CAPN1: variants seen among roughly 807,000 people sequenced by gnomAD.
The protein encoded by CAPN1 is calpain 1.
CAPN1 carries 77 observed loss-of-function variants against 105.2 expected under a neutral mutation model. The observed-to-expected ratio is 0.73, with a 90% CI of 0.61 to 0.88. The LOEUF (loss-of-function observed/expected upper bound fraction) is 0.88, where lower values mean the gene tolerates loss of function less well. Among genes scored for constraint, CAPN1 ranks in the 40% least tolerant of loss-of-function variants. The pLI is 0.00. For missense variants in CAPN1, 833 were observed against 976.6 expected, an observed-to-expected ratio of 0.85 and a Z score of 1.96; for synonymous variants, 355 against 388.8, an observed-to-expected ratio of 0.91 and a Z score of 1.02.
chr11:65,211,197 G>A (rs1337773316), intron 21 of CAPN1, 63 bp from the exon 22 acceptor site: 6 of 1,591,540 alleles, frequency 3.8e-6, no homozygotes, highest in Non-Finnish European at 5.1e-6. Context: ...CCTGGGGTTT[G>A]GGTGGGGAAG....
intron 10 of CAPN1, among the ~76,000 whole-genome samples, chr11:65,198,589 C>T (rs1948824650): frequency 6.6e-6 from 1 of 152,090 alleles, no homozygotes; most frequent in African/African-American, 2.4e-5. Context: ...ATTTAAACAT[C>T]ATCATGATTT....
chr11:65,207,753 A>T (rs993101374), intron 14 of CAPN1, among the ~76,000 whole-genome samples: 5 of 152,070 alleles, frequency 3.3e-5, no homozygotes, highest in African/African-American at 9.6e-5. Flanking sequence ...TCTCTACTAA[A>T]AATACAAAAA....
upstream of CAPN1, chr11:65,181,562 G>A: frequency 2.4e-6 from 1 of 409,820 alleles, no homozygotes; most frequent in Non-Finnish European, 4.8e-6. This position sits in a 1 kb window ranked among gnomAD's most constrained non-coding sequence, Gnocchi z 4.6. Flanking sequence ...GGCGCGCGTG[G>A]GGTGCGGCCG....
intron 4 of CAPN1, 88 bp from the exon 5 acceptor site, chr11:65,185,828 GA>G: frequency 7.3e-7 from 1 of 1,373,560 alleles, no homozygotes; most frequent in East Asian, 2.5e-5. Flanking sequence ...CTGGGATGTA[GA>G]ATCCTGCATC....
In CAPN1 at chr11:65,206,621, C is replaced by T. The variant is rs1948963988; in HGVS notation, c.1512C>T (p.Asn504=). Residue 504 remains asparagine, a synonymous_variant, in exon 13 of 22, where the codon AAC becomes AAT. Coordinates refer to ENST00000279247, the MANE Select transcript of CAPN1 (RefSeq NM_005186.4). Reference sequence around the variant, plus strand: ...TGGTGCCCTCCACCTTCGAGCCCAACAAGGAGGGCGACTTCGTGCTGCGCT... The same window carrying T: ...TGGTGCCCTCCACCTTCGAGCCCAATAAGGAGGGCGACTTCGTGCTGCGCT... ...YVVVPSTFEP[N]KEGDFVLRFF... is the part of the protein sequence containing the mutation. The T allele has an allele frequency of 6.2e-7, 1 of 1,613,300 alleles. No homozygotes were observed. The highest frequency in any genetic ancestry group is 1.3e-5 in the African/African-American group (1 of 74,932).
In CAPN1 at chr11:65,195,115, T is replaced by G. The variant is rs201627801; in HGVS notation, c.1165+6369T>G. On this transcript the variant is annotated intron_variant, in intron 10 of 21. Transcript: ENST00000279247. ...GTTTTTTGGGGTTTTTTTTTTTTTTTTTTTTTTTTTTTGAGTCTGGATCTT... is the reference window on the plus strand; with the variant it reads ...GTTTTTTGGGGTTTTTTTTTTTTTTGTTTTTTTTTTTTGAGTCTGGATCTT... Among the ~76,000 whole-genome samples the G allele has an allele frequency of 4.8e-4, 70 of 146,590 alleles. 2 individuals are homozygous for G. The East Asian group carries it at 9.6e-3, about 20-fold the overall frequency.
chr11:65,193,888 C>G (rs371006350), intron 10 of CAPN1, among the ~76,000 whole-genome samples: 1 of 150,528 alleles, frequency 6.6e-6, no homozygotes, highest in African/African-American at 2.4e-5. Context: ...TGCCACAGTG[C>G]CTGGTAGTAT....
Position 65,209,786 on chromosome 11 carries a change from A to T in CAPN1, c.1795-63A>T. On this transcript the variant is annotated intron_variant, in intron 17 of 21. Transcript: ENST00000279247. The surrounding 1 kb of genome is among the most constrained non-coding windows in gnomAD (Gnocchi z 4.1). The stretch of plus-strand genomic sequence containing the variant: ...GCTCGGCGGCCATCTCCCCTTCTGC[A>T]CAGTTGCCCACTCTCCCATGACTGG... 3 of 1,530,638 alleles carry T rather than the reference A, an allele frequency of 2.0e-6. No homozygotes were observed. The South Asian group carries it at 3.5e-5, about 18-fold the overall frequency. The allele number at this position is 1,530,638 out of a possible 1,614,324, so 94.8% of individuals were successfully genotyped here.
Position 65,204,810 on chromosome 11 carries a change from G to T in CAPN1, c.1293G>T (p.Glu431Asp), listed in dbSNP as rs533151901. ...LALMQKHRRR[E>D]RRFGRDMETI... ...TTATGCAGAAGCACCGTCGCCGCGA[G>T]CGCCGCTTCGGCCGCGACATGGAGA... is the stretch of plus-strand genomic sequence containing the variant. The change falls in exon 11 of 22, where the codon GAG becomes GAT. Residue 431 changes from glutamate to aspartate, a missense_variant. Coordinates refer to ENST00000279247, the MANE Select transcript of CAPN1 (RefSeq NM_005186.4). The T allele has an allele frequency of 3.1e-6, 5 of 1,612,486 alleles. No individual in the cohort carries two copies. The South Asian group carries it at 5.5e-5, about 18-fold the overall frequency.
In CAPN1 at chr11:65,205,719, G is replaced by A. The variant is rs1253057302; in HGVS notation, c.1351G>A (p.Glu451Lys). The A allele has an allele frequency of 9.3e-6, 15 of 1,613,696 alleles. No homozygotes were observed. Among genetic ancestry groups the A allele is most frequent in the East Asian group, 2.2e-5 (1 of 44,868 alleles). Residue 451 changes from glutamate to lysine, a missense_variant and splice_region_variant, in exon 12 of 22, where the codon GAG (glutamate) becomes AAG (lysine). Glu to Lys is a moderately conservative substitution (Grantham distance 56). Transcript: ENST00000279247. ...IGFAVYEVPP[E>K]LVGQPAVHLK... ...TGTCTCTCTATTGCAGGTCCCTCCG[G>A]AGGTAGGTGTGGCACCATGACCCAC...
chr11:65,206,515 C>T lies in CAPN1; in HGVS notation c.1406C>T (p.Ala469Val), dbSNP rs1217528784. ...HLKRDFFLAN[A>V]SRARSEQFIN... The stretch of plus-strand genomic sequence containing the variant: ...AAGCGTGACTTCTTCCTGGCCAATG[C>T]GTCTCGGGCGCGCTCAGAGCAGTTC... Residue 469 changes from alanine to valine, a missense_variant, in exon 13 of 22, where the codon GCG becomes GTG. Coordinates refer to ENST00000279247, the MANE Select transcript of CAPN1 (RefSeq NM_005186.4). The T allele has an allele frequency of 1.9e-6, 3 of 1,613,298 alleles. No homozygotes were observed. The highest frequency in any genetic ancestry group is 1.7e-6 in the Non-Finnish European group (2 of 1,179,892).
intron 10 of CAPN1, among the ~76,000 whole-genome samples, chr11:65,197,620 C>T (rs1948809475): frequency 6.6e-6 from 1 of 152,174 alleles, no homozygotes; most frequent in Non-Finnish European, 1.5e-5. Flanking sequence ...GGCACAGTGG[C>T]TCACGCCTGT....
intron 10 of CAPN1, among the ~76,000 whole-genome samples, chr11:65,204,362 C>T (rs937555456): frequency 1.3e-5 from 2 of 152,098 alleles, no homozygotes; most frequent in Non-Finnish European, 2.9e-5. Context: ...TTCTGCTTCT[C>T]AGCAGCTTCC....
chr11:65,208,069 A>G lies in CAPN1; in HGVS notation c.1620A>G (p.Glu540=), dbSNP rs1190613158. Residue 540 remains glutamate, a synonymous_variant, in exon 15 of 22, where the codon GAA becomes GAG. Coordinates refer to ENST00000279247, the MANE Select transcript of CAPN1 (RefSeq NM_005186.4). The surrounding 1 kb of genome is among the most constrained non-coding windows in gnomAD (Gnocchi z 4.1). ...TCTCGGTCCAGCAAGTGCTCTCAGA[A>G]GAGGAGATTGACGAGAACTTCAAGG... ...ANLPDEQVLS[E]EEIDENFKAL... is the part of the protein sequence containing the mutation. The G allele has an allele frequency of 1.1e-5, 17 of 1,601,360 alleles. No individual in the cohort carries two copies. Among genetic ancestry groups the G allele is most frequent in the Non-Finnish European group, 1.2e-5 (14 of 1,174,056 alleles).
intron 12 of CAPN1, chr11:65,206,165 A>G (rs890620461): frequency 7.2e-6 from 4 of 553,470 alleles, no homozygotes; most frequent in Admixed American, 6.3e-5. Flanking sequence ...ACCCTGCAGT[A>G]CCTGACCTGG....
At chr11:65,185,878 G>A (rs746559437) in intron 4 of CAPN1, 39 bp from the exon 5 acceptor site, 2 of 1,556,890 alleles carry the variant, frequency 1.3e-6, no homozygotes, top group African/African-American at 1.4e-5. Flanking sequence ...AGGTCCGGGG[G>A]ATTCCAAAGC....
chr11:65,206,328 G>A, intron 12 of CAPN1, 135 bp from the exon 13 acceptor site: 1 of 680,844 alleles, frequency 1.5e-6, no homozygotes, highest in South Asian at 1.7e-5. Flanking sequence ...GGGTCACACA[G>A]GCTGTGAGTG....
rs774624723 is a variant in CAPN1, at chr11:65,208,148, G to A, written c.1671+28G>A. 1.9e-6 allele frequency: 3 copies of A among 1,599,522 alleles called. No homozygotes were observed. Among genetic ancestry groups the A allele is most frequent in the Admixed American group, 1.7e-5 (1 of 57,756 alleles). On this transcript the variant is annotated intron_variant, in intron 15 of 21. Coordinates refer to ENST00000279247, the MANE Select transcript of CAPN1 (RefSeq NM_005186.4). The surrounding 1 kb of genome is among the most constrained non-coding windows in gnomAD (Gnocchi z 4.1). Reference sequence around the variant, plus strand: ...AGGTTGGGGCATGGCAGGTTGGGAGGGGCCTGTGAGGGGCAGCCCTCTCCT... The same window carrying A: ...AGGTTGGGGCATGGCAGGTTGGGAGAGGCCTGTGAGGGGCAGCCCTCTCCT...
chr11:65,200,932 CTT>C (rs56897147), intron 10 of CAPN1, among the ~76,000 whole-genome samples: 3 of 49,456 alleles, frequency 6.1e-5, no homozygotes, highest in African/African-American at 2.2e-4. Flanking sequence ...CCATGCCTGG[CTT>C]TTTTTTTTTT....
Sources: gnomAD v4.1 joint callset for allele counts (sites outside exome capture counted in the v4.1 genomes callset) on GRCh38, gnomAD v4.1.1 for gene constraint, Gnocchi (gnomAD v3.1) non-coding constraint, MANE v1.5 for transcripts, NCBI Gene and HGNC (gene_info 2026-07-23, HGNC 2026-07-21) for gene names.